The following CAST variants were observed in gnomAD, a reference collection of about 807,000 sequenced individuals.
The protein encoded by CAST is calpastatin.
CAST carries 76 observed loss-of-function variants against 119.6 expected under a neutral mutation model. The ratio of observed to expected loss-of-function variants is 0.64; its 90% CI spans 0.53 to 0.77. CAST has a LOEUF of 0.77. Among genes scored for constraint, CAST ranks in the 30% least tolerant of loss-of-function variants. The pLI, the probability that CAST is intolerant of heterozygous loss-of-function variation, is 0.00. For synonymous variants in CAST, 319 were observed against 331.6 expected (o/e 0.96, Z 0.41); for missense variants, 953 against 946.5 (o/e 1.01, Z -0.09).
At chr5:96,744,985 C>T (rs1357469817) in intron 16 of CAST, among the ~76,000 whole-genome samples, 1 of 152,002 alleles carries the variant, frequency 6.6e-6, no homozygotes, top group Non-Finnish European at 1.5e-5. Context: ...TTTTTCGATG[C>T]CTACTGTATA....
the CAST span, among the ~76,000 whole-genome samples, chr5:96,092,651 A>G: frequency 1.3e-5 from 2 of 152,208 alleles, no homozygotes; most frequent in Non-Finnish European, 2.9e-5. Flanking sequence ...ATAACATACT[A>G]TCTCATAAAG....
Position 96,771,717 on chromosome 5 carries a change from T to C in CAST, c.*23+15T>C, listed in dbSNP as rs1561638037. ...TAAGGTATCTGGTAAGTTGGGTGTTTATTTGTAAATGAAGACAACTGTATC... is the reference window on the plus strand; with the variant it reads ...TAAGGTATCTGGTAAGTTGGGTGTTCATTTGTAAATGAAGACAACTGTATC... On this transcript the variant is annotated intron_variant, in intron 31 of 31. Transcript: ENST00000675179. The C allele has an allele frequency of 6.5e-7, 1 of 1,537,960 alleles. No individual in the cohort carries two copies. Among genetic ancestry groups the C allele is most frequent in the Non-Finnish European group, 9.0e-7 (1 of 1,113,036 alleles).
chr5:96,228,196 A>G, the CAST span, among the ~76,000 whole-genome samples: 2 of 152,136 alleles, frequency 1.3e-5, no homozygotes, highest in Non-Finnish European at 2.9e-5. Flanking sequence ...AAAGAGCTCG[A>G]TTCAGCTAGC....
At chr5:96,432,186 A>G in the CAST span, 562 of 1,497,796 alleles carry the variant, frequency 3.8e-4, 2 homozygotes, top group African/African-American at 6.8e-3. Flanking sequence ...CTTGGACTTT[A>G]TAAGTTCCCA....
the CAST span, among the ~76,000 whole-genome samples, chr5:96,349,069 C>T: frequency 6.2e-5 from 9 of 144,164 alleles, no homozygotes; most frequent in Non-Finnish European, 9.1e-5. Flanking sequence ...TTACACAAAC[C>T]AACAAAATAT....
chr5:96,567,600 C>G (rs1746493000), intron 1 of CAST, among the ~76,000 whole-genome samples: 1 of 152,184 alleles, frequency 6.6e-6, no homozygotes. Context: ...TCTGTTTGTA[C>G]TTAACCATTT....
intron 1 of CAST, among the ~76,000 whole-genome samples, chr5:96,592,167 C>G (rs897652301): frequency 6.6e-6 from 1 of 152,062 alleles, no homozygotes; most frequent in Non-Finnish European, 1.5e-5. Flanking sequence ...GAGGCTGAGG[C>G]GGGCGGATCA....
the CAST span, among the ~76,000 whole-genome samples, chr5:96,186,273 T>C: frequency 6.6e-6 from 1 of 152,318 alleles, no homozygotes; most frequent in African/African-American, 2.4e-5. Flanking sequence ...TTTCTAGATA[T>C]AGGATCATGT....
the CAST span, chr5:96,421,872 T>C: frequency 2.8e-6 from 4 of 1,415,782 alleles, no homozygotes; most frequent in African/African-American, 4.3e-5. Flanking sequence ...AAATGCATAT[T>C]TACTCACTTG....
chr5:96,272,385 A>T, the CAST span, among the ~76,000 whole-genome samples: 5 of 152,260 alleles, frequency 3.3e-5, no homozygotes, highest in South Asian at 8.3e-4. Context: ...AGGGATGAAT[A>T]AAAAAATGTG....
chr5:96,114,913 A>G, the CAST span, among the ~76,000 whole-genome samples: 3 of 152,190 alleles, frequency 2.0e-5, no homozygotes, highest in African/African-American at 4.8e-5. Flanking sequence ...TAAGGTATGT[A>G]CTAGTGGTGT....
At chr5:96,000,037 A>G in the CAST span, among the ~76,000 whole-genome samples, 1 of 152,154 alleles carries the variant, frequency 6.6e-6, no homozygotes, top group Non-Finnish European at 1.5e-5. Context: ...ATTAGCCATT[A>G]CTATTTGCAT....
At chr5:96,090,781 A>G in the CAST span, among the ~76,000 whole-genome samples, 1 of 151,470 alleles carries the variant, frequency 6.6e-6, no homozygotes, top group African/African-American at 2.4e-5. Context: ...ATCAGCAGAG[A>G]ACAGGAAGCA....
At chr5:96,286,055 C>G in the CAST span, among the ~76,000 whole-genome samples, 3 of 152,202 alleles carry the variant, frequency 2.0e-5, no homozygotes, top group Non-Finnish European at 4.4e-5. Flanking sequence ...AGAAACAGAG[C>G]AGTCTCACCT....
At chr5:96,261,024 A>T in the CAST span, among the ~76,000 whole-genome samples, 4 of 152,202 alleles carry the variant, frequency 2.6e-5, no homozygotes, top group Non-Finnish European at 5.9e-5. Flanking sequence ...GGGTGGGCTT[A>T]TTTTGAGATT....
At chr5:96,410,644 T>C in the CAST span, 1 of 786,372 alleles carries the variant, frequency 1.3e-6, no homozygotes. Context: ...AGTGAGTAAG[T>C]GTGAGTTCTC....
In CAST at chr5:96,746,406, A is replaced by G; in HGVS notation, c.1265A>G (p.Tyr422Cys). ...GATGATGAAACAATCCCATCTGAGT[A>G]CAGATTAAAACCAGCCACGGTAAAT... ...GEDDETIPSEYRLKPATDKDG... is the reference protein window; with the variant it reads ...GEDDETIPSECRLKPATDKDG... The change falls in exon 17 of 32, where the codon TAC (tyrosine) becomes TGC (cysteine). Residue 422 changes from tyrosine (Y) to cysteine (C), a missense_variant. Physicochemically the swap from Tyr to Cys is radical, Grantham distance 194. Coordinates refer to ENST00000675179, the MANE Select transcript of CAST (RefSeq NM_001750.7). 8 of 1,606,038 alleles carry G rather than the reference A, an allele frequency of 5.0e-6. No individual in the cohort carries two copies. The highest frequency in any genetic ancestry group is 6.8e-6 in the Non-Finnish European group (8 of 1,172,550).
chr5:96,740,997 G>A (rs1762548700), intron 13 of CAST: 1 of 594,136 alleles, frequency 1.7e-6, no homozygotes, highest in African/African-American at 1.9e-5. Context: ...GGAGAAAGAA[G>A]GCGAGAAAGT....
At chr5:96,192,245 A>G in the CAST span, among the ~76,000 whole-genome samples, 1 of 152,244 alleles carries the variant, frequency 6.6e-6, no homozygotes, top group Non-Finnish European at 1.5e-5. Flanking sequence ...TTATAGGTCC[A>G]ATGCTTGAGA....
Sources: gnomAD v4.1 joint callset for allele counts (sites outside exome capture counted in the v4.1 genomes callset) on GRCh38, gnomAD v4.1.1 for gene constraint, MANE v1.5 for transcripts, NCBI Gene and HGNC (gene_info 2026-07-23, HGNC 2026-07-21) for gene names.